ITPR1: variants seen among roughly 807,000 people sequenced by gnomAD.
The protein encoded by ITPR1 is inositol 1,4,5-trisphosphate receptor type 1, also known as inositol 1,4,5-trisphosphate-gated calcium channel ITPR1.
ITPR1 carries 96 observed loss-of-function variants against 318.4 expected under a neutral mutation model. That is an observed-to-expected ratio of 0.30 (90% CI 0.26 to 0.36). The LOEUF (loss-of-function observed/expected upper bound fraction) is 0.36. Ranked by LOEUF, ITPR1 falls within the 10% of genes least tolerant of loss-of-function variation. The probability of loss-of-function intolerance (pLI) is 1.00; values close to 1 mark genes in which losing one functional copy is unlikely to be tolerated. For synonymous variants in ITPR1, 1,312 were observed against 1,289.9 expected (o/e 1.02, Z -0.37); for missense variants, 2,440 against 3,460.2 (o/e 0.71, Z 7.40).
intron 4 of ITPR1, among the ~76,000 whole-genome samples, chr3:4,613,490 T>C (rs1198221692): frequency 1.3e-5 from 2 of 152,276 alleles, no homozygotes; most frequent in East Asian, 3.9e-4. Context: ...TTGCTGCTCC[T>C]CTAGGCACTT....
intron 26 of ITPR1, 35 bp downstream of exon 26, chr3:4,681,453 G>A: frequency 6.8e-7 from 1 of 1,461,422 alleles, no homozygotes; most frequent in Non-Finnish European, 9.6e-7. Flanking sequence ...TTGTAGGGAA[G>A]GCTGCTCTTC....
In ITPR1 at chr3:4,811,625, G is replaced by A. The variant is rs375135260; in HGVS notation, c.7468+165G>A. The stretch of plus-strand genomic sequence containing the variant: ...ACAGGTCTTCATTCTCACAATGAAT[G>A]TGGCAATGTGGCATATCAAATGCTA... On this transcript the variant is annotated intron_variant, in intron 56 of 61. Transcript: ENST00000649015. Among the ~76,000 whole-genome samples the A allele has an allele frequency of 1.2e-4, 19 of 152,334 alleles. No individual in the cohort carries two copies. The East Asian group carries it at 3.1e-3, about 25-fold the overall frequency.
intron 40 of ITPR1, among the ~76,000 whole-genome samples, chr3:4,724,854 G>A (rs934936079): frequency 1.3e-5 from 2 of 152,114 alleles, no homozygotes; most frequent in African/African-American, 4.8e-5. Context: ...TGGTATCTGT[G>A]TGGCATGGCT....
At chr3:4,801,584 C>A (rs1280725284) in intron 54 of ITPR1, among the ~76,000 whole-genome samples, 3 of 151,912 alleles carry the variant, frequency 2.0e-5, no homozygotes, top group Non-Finnish European at 4.4e-5. Context: ...GCTAACATGG[C>A]AGAACCCTAT....
intron 4 of ITPR1, among the ~76,000 whole-genome samples, chr3:4,604,469 T>C (rs533472436): frequency 9.2e-5 from 14 of 152,238 alleles, no homozygotes; most frequent in Middle Eastern, 3.4e-3. Flanking sequence ...TGTCTATGTG[T>C]CTCCTTTGCT....
chr3:4,633,430 C>T (rs2093078416), intron 5 of ITPR1, among the ~76,000 whole-genome samples: 1 of 152,170 alleles, frequency 6.6e-6, no homozygotes, highest in African/African-American at 2.4e-5. Context: ...AGTGGGTTTT[C>T]ATTTTTATTT....
At position 4,645,506 on chromosome 3, in the gene ITPR1, G is replaced by A. The variant is rs369753358; in HGVS notation, c.708+36G>A. The A allele has an allele frequency of 8.0e-5, 128 of 1,605,278 alleles. No individual in the cohort carries two copies. The Middle Eastern group carries it at 1.5e-3, about 19-fold the overall frequency. ...TGCTTTATGGGCTGAGCATTACTTG[G>A]CTCTTCTTGGGGGCAGCAGTCTAAT... On this transcript the variant is annotated intron_variant, in intron 9 of 61. Coordinates refer to ENST00000649015, the MANE Select transcript of ITPR1 (RefSeq NM_001378452.1).
chr3:4,711,528 C>A lies in ITPR1; in HGVS notation c.4992-229C>A, dbSNP rs1199106412. On this transcript the variant is annotated intron_variant, in intron 38 of 61. Transcript: ENST00000649015. The stretch of plus-strand genomic sequence containing the variant: ...TAATCTCTCCATTGTATGTGGCTGA[C>A]TCCTGCCCAGTGAGCCTGTTTGCTG... 4.6e-5 allele frequency: 24 copies of A among 519,166 alleles called. No individual in the cohort carries two copies. In the Middle Eastern group the frequency reaches 2.1e-3, roughly 45 times the overall value. 32.2% of individuals were successfully genotyped at this position (519,166 alleles called of 1,614,324 possible).
At position 4,512,159 on chromosome 3, in the gene ITPR1, T is replaced by A. The variant is rs73003277; in HGVS notation, c.-16-4317T>A. 7.0e-3 allele frequency among the ~76,000 whole-genome samples: 1,060 copies of A among 152,220 alleles called. 5 individuals carry two copies. Among genetic ancestry groups the A allele is most frequent in the Middle Eastern group, 0.031 (9 of 294 alleles). On this transcript the variant is annotated intron_variant, in intron 2 of 61. Coordinates refer to ENST00000649015, the MANE Select transcript of ITPR1 (RefSeq NM_001378452.1). Reference sequence around the variant, plus strand: ...CCTGATAATGTGTTTTTATTTTTATTTTTTGTAGAAATGGGGTCTGGCTGG... The same window carrying A: ...CCTGATAATGTGTTTTTATTTTTATATTTTGTAGAAATGGGGTCTGGCTGG...
chr3:4,644,527 T>A (rs2093411446), intron 8 of ITPR1, among the ~76,000 whole-genome samples: 1 of 152,202 alleles, frequency 6.6e-6, no homozygotes, highest in Admixed American at 6.5e-5. Context: ...CTTTTACTAA[T>A]TTTTTTCTGG....
chr3:4,523,955 C>G (rs1295700881), intron 4 of ITPR1, among the ~76,000 whole-genome samples: 3 of 152,216 alleles, frequency 2.0e-5, no homozygotes, highest in Admixed American at 6.5e-5. Flanking sequence ...CTTTTACAGC[C>G]TGGCCTGGTT....
intron 61 of ITPR1, among the ~76,000 whole-genome samples, chr3:4,843,177 C>CACTT (rs1432923795): frequency 4.8e-5 from 7 of 146,468 alleles, no homozygotes; most frequent in Non-Finnish European, 8.9e-5. Context: ...CTTTAGCAGT[C>CACTT]ACTTAAATGG....
intron 4 of ITPR1, among the ~76,000 whole-genome samples, chr3:4,586,602 C>T (rs1378021879): frequency 6.6e-6 from 1 of 150,984 alleles, no homozygotes; most frequent in Non-Finnish European, 1.5e-5. Flanking sequence ...TTTGACCTCC[C>T]TGGCTCAAGC....
intron 44 of ITPR1, among the ~76,000 whole-genome samples, chr3:4,738,694 G>C (rs2043467495): frequency 6.6e-6 from 1 of 151,874 alleles, no homozygotes; most frequent in Non-Finnish European, 1.5e-5. Flanking sequence ...CACAGAAGCT[G>C]TTTTTCCTTC....
At chr3:4,741,448 A>G (rs985038171) in intron 44 of ITPR1, among the ~76,000 whole-genome samples, 3 of 152,164 alleles carry the variant, frequency 2.0e-5, no homozygotes, top group African/African-American at 7.2e-5. Flanking sequence ...GTAAGCAGCT[A>G]GAGATGGAAA....
intron 4 of ITPR1, among the ~76,000 whole-genome samples, chr3:4,585,169 T>A (rs1332937606): frequency 1.3e-5 from 2 of 152,210 alleles, no homozygotes; most frequent in African/African-American, 4.8e-5. Context: ...AGAAAATAGC[T>A]AGCAAATTTG....
chr3:4,562,762 C>A (rs534098035), intron 4 of ITPR1, among the ~76,000 whole-genome samples: 27 of 150,990 alleles, frequency 1.8e-4, no homozygotes, highest in African/African-American at 5.8e-4. Context: ...GTGCAGTGCA[C>A]TGTGCACCAT....
chr3:4,671,573 T>C (rs74889905), intron 20 of ITPR1: 3,603 of 152,560 alleles, frequency 0.024, 115 homozygotes, highest in African/African-American at 0.071. Flanking sequence ...TCCCTGTGTG[T>C]ACCTGTCTCA....
Position 4,779,744 on chromosome 3 carries a change from C to T in ITPR1, c.6387+99C>T. ...GCTTCCTGGAGCTTTCTTGAAGGTTCCCAAAGTCAGAAGTATAAAGGGAAC... is the reference window on the plus strand; with the variant it reads ...GCTTCCTGGAGCTTTCTTGAAGGTTTCCAAAGTCAGAAGTATAAAGGGAAC... On this transcript the variant is annotated intron_variant, in intron 49 of 61. Coordinates refer to ENST00000649015, the MANE Select transcript of ITPR1 (RefSeq NM_001378452.1). The surrounding 1 kb of genome is among the most constrained non-coding windows in gnomAD (Gnocchi z 4.0). 1.3e-6 allele frequency: 1 copy of T among 778,718 alleles called. No homozygotes were observed. The allele number at this position is 778,718 out of a possible 1,614,324, so 48.2% of individuals were successfully genotyped here. A position where few individuals can be genotyped will look rare whatever the true frequency, so the allele number is the denominator to read the frequency against.
Sources: gnomAD v4.1 joint callset for allele counts (sites outside exome capture counted in the v4.1 genomes callset) on GRCh38, gnomAD v4.1.1 for gene constraint, Gnocchi (gnomAD v3.1) non-coding constraint, MANE v1.5 for transcripts, NCBI Gene and HGNC (gene_info 2026-07-23, HGNC 2026-07-21) for gene names.